The following PCDHGB2 variants were observed in gnomAD, a reference collection of about 807,000 sequenced individuals.
The protein encoded by PCDHGB2 is protocadherin gamma subfamily B, 2.
A neutral mutation model predicts 59.3 loss-of-function variants in PCDHGB2; 55 were observed. The ratio of observed to expected loss-of-function variants is 0.93; its 90% CI spans 0.75 to 1.16. The LOEUF is 1.16. PCDHGB2 is among the 50% of genes most tolerant of loss of function. The pLI is 0.00. For synonymous variants in PCDHGB2, 516 were observed against 512.0 expected (o/e 1.01, Z -0.11); for missense variants, 1,228 against 1,198.5 (o/e 1.02, Z -0.36).
In PCDHGB2 at chr5:141,410,849, CTTTTTTT is replaced by C. The variant is rs759346998; in HGVS notation, c.2421+48309_2421+48315del. 8.7e-3 allele frequency: 1,205 copies of C among 138,184 alleles called. 49 individuals are homozygous for C. Among genetic ancestry groups the C allele is most frequent in the African/African-American group, 0.064 (1,073 of 16,650 alleles). 8.6% of individuals were successfully genotyped at this position (138,184 alleles called of 1,614,324 possible). ...CAGACTGAAGATATTTTGTCTTTGT[CTTTTTTT>C]TTTTTTTTTTTTTTTGAGATGGAGT... is the stretch of plus-strand genomic sequence containing the variant. On this transcript the variant is annotated intron_variant, in intron 1 of 3. Coordinates refer to ENST00000522605, the MANE Select transcript of PCDHGB2 (RefSeq NM_018923.3).
intron 1 of PCDHGB2, chr5:141,412,314 A>G (rs913648948): frequency 6.6e-6 from 1 of 152,240 alleles, no homozygotes; most frequent in African/African-American, 2.4e-5. Flanking sequence ...CAATGCAAAC[A>G]GTTTAATTTG....
chr5:141,503,671 A>G (rs1028896082), intron 2 of PCDHGB2, among the ~76,000 whole-genome samples: 2 of 151,950 alleles, frequency 1.3e-5, no homozygotes, highest in Non-Finnish European at 2.9e-5. Flanking sequence ...AACTCTTCCC[A>G]CTTTTGGGAA....
rs1267965791 is a variant in PCDHGB2, at chr5:141,431,329, G to C, written c.2422-63478G>C. 1 of 1,614,002 alleles carries C rather than the reference G, an allele frequency of 6.2e-7. No individual in the cohort carries two copies. Among genetic ancestry groups the C allele is most frequent in the East Asian group, 2.2e-5 (1 of 44,904 alleles). On this transcript the variant is annotated intron_variant, in intron 1 of 3. Coordinates refer to ENST00000522605, the MANE Select transcript of PCDHGB2 (RefSeq NM_018923.3). The surrounding 1 kb of genome is among the most constrained non-coding windows in gnomAD (Gnocchi z 4.8). ...TGCAAAATGGAGCCGACGGTAGTAA[G>C]TACCCCGAATTGGTGCTGAAACGCG...
intron 2 of PCDHGB2, among the ~76,000 whole-genome samples, chr5:141,504,722 C>T (rs747319660): frequency 1.3e-5 from 2 of 151,828 alleles, no homozygotes; most frequent in Non-Finnish European, 2.9e-5. Context: ...GGATTTTACT[C>T]TGAGGGCTTA....
intron 1 of PCDHGB2, chr5:141,408,674 A>C (rs1005052894): frequency 6.2e-7 from 1 of 1,613,882 alleles, no homozygotes; most frequent in African/African-American, 1.3e-5. Flanking sequence ...TGACCCTGCC[A>C]CGGATCCTGA....
intron 1 of PCDHGB2, among the ~76,000 whole-genome samples, chr5:141,450,006 CTTTTT>C (rs1554136305): frequency 1.5e-5 from 2 of 132,980 alleles, no homozygotes; most frequent in African/African-American, 2.8e-5. Flanking sequence ...TGCCATGTCT[CTTTTT>C]TTTTTTTTTT....
chr5:141,416,169 TAA>T (rs1350204040), intron 1 of PCDHGB2: 1 of 152,706 alleles, frequency 6.5e-6, no homozygotes, highest in African/African-American at 2.4e-5. Flanking sequence ...TTGAATATAC[TAA>T]GTTTTTCATT....
intron 1 of PCDHGB2, chr5:141,366,446 G>T: frequency 6.2e-7 from 1 of 1,614,178 alleles, no homozygotes; most frequent in South Asian, 1.1e-5. Context: ...CGTCTTCCTG[G>T]CCTTCGTCAT....
chr5:141,421,384 C>T (rs960627405), intron 1 of PCDHGB2: 5 of 1,613,928 alleles, frequency 3.1e-6, no homozygotes, highest in Non-Finnish European at 4.2e-6. Context: ...CTCCAAGGAC[C>T]TGGGGCTGGA....
At chr5:141,398,343 G>A (rs1393305647) in intron 1 of PCDHGB2, 6 of 1,380,544 alleles carry the variant, frequency 4.3e-6, no homozygotes, top group Non-Finnish European at 6.0e-6. Context: ...GTTCGGAGAA[G>A]CCTTACTTCA....
rs1036126623 is a variant in PCDHGB2 at position 141,410,753 on chromosome 5, T to C, written c.2421+48197T>C. The stretch of plus-strand genomic sequence containing the variant: ...AGCTTTTTACAATATTTTCTCAATG[T>C]TTTTTCAATTATAGTTTTCACTATG... On this transcript the variant is annotated intron_variant, in intron 1 of 3. Coordinates refer to ENST00000522605, the MANE Select transcript of PCDHGB2 (RefSeq NM_018923.3). 2.4e-6 allele frequency: 3 copies of C among 1,229,812 alleles called. No homozygotes were observed. In the Admixed American group the frequency reaches 8.8e-5, roughly 36 times the overall value. The allele number at this position is 1,229,812 out of a possible 1,614,324, so 76.2% of individuals were successfully genotyped here. A position where few individuals can be genotyped will look rare whatever the true frequency, so the allele number is the denominator to read the frequency against.
At chr5:141,421,283 T>G (rs2096560959) in intron 1 of PCDHGB2, 4 of 1,612,952 alleles carry the variant, frequency 2.5e-6, no homozygotes, top group Non-Finnish European at 3.4e-6. Flanking sequence ...CTGCTGTGCA[T>G]TTTCCTGGGG....
rs754140602 is a variant in PCDHGB2 at position 141,410,043 on chromosome 5, C to G, written c.2421+47487C>G. Reference sequence around the variant, plus strand: ...TACCACGTGCTGCAGGCCAGTGAGCCCGGACTCTTCAGCCTGGGGCTGCGC... The same window carrying G: ...TACCACGTGCTGCAGGCCAGTGAGCGCGGACTCTTCAGCCTGGGGCTGCGC... On this transcript the variant is annotated intron_variant, in intron 1 of 3. Transcript: ENST00000522605. 13 of 1,613,080 alleles carry G rather than the reference C, an allele frequency of 8.1e-6. No homozygotes were observed. The South Asian group carries it at 1.2e-4, about 15-fold the overall frequency.
intron 1 of PCDHGB2, chr5:141,415,663 T>C: frequency 6.3e-7 from 1 of 1,578,204 alleles, no homozygotes; most frequent in Non-Finnish European, 8.6e-7. Flanking sequence ...GATTGGTTTT[T>C]ACTTTGAAGT....
intron 1 of PCDHGB2, among the ~76,000 whole-genome samples, chr5:141,442,913 AACT>A (rs1163578304): frequency 6.6e-6 from 1 of 152,214 alleles, no homozygotes. Flanking sequence ...TTCAGCACAC[AACT>A]GTTTCATTTT....
At chr5:141,404,508 C>T (rs2154535422) in intron 1 of PCDHGB2, 2 of 1,613,964 alleles carry the variant, frequency 1.2e-6, no homozygotes, top group Non-Finnish European at 1.7e-6. Flanking sequence ...GCTCTGTGCT[C>T]CTTTGACTAT....
At chr5:141,500,315 G>C (rs944076867) in intron 2 of PCDHGB2, among the ~76,000 whole-genome samples, 41 of 151,522 alleles carry the variant, frequency 2.7e-4, no homozygotes, top group African/African-American at 9.5e-4. Flanking sequence ...TTCACGCCAT[G>C]CTCCTGCCTC....
intron 1 of PCDHGB2, chr5:141,422,386 A>G: frequency 1.3e-6 from 2 of 1,587,922 alleles, no homozygotes; most frequent in Non-Finnish European, 1.7e-6. Flanking sequence ...CTCCTGTTTT[A>G]TTCCTAACCA....
chr5:141,413,207 C>CA lies in PCDHGB2; in HGVS notation c.2421+50654dup, dbSNP rs753988593. On this transcript the variant is annotated intron_variant, in intron 1 of 3. Transcript: ENST00000522605. The stretch of plus-strand genomic sequence containing the variant: ...GCTCAAAGGAATCGCTCAAAGGAAT[C>CA]AAAGGATTGCAGCGGGCTGGTCCTG... The CA allele has an allele frequency of 1.7e-5, 27 of 1,612,874 alleles. No homozygotes were observed. In the East Asian group the frequency reaches 6.0e-4, roughly 36 times the overall value.
Sources: gnomAD v4.1 joint callset for allele counts (sites outside exome capture counted in the v4.1 genomes callset) on GRCh38, gnomAD v4.1.1 for gene constraint, Gnocchi (gnomAD v3.1) non-coding constraint, MANE v1.5 for transcripts, NCBI Gene and HGNC (gene_info 2026-07-23, HGNC 2026-07-21) for gene names.